GET4: variants seen among roughly 807,000 people sequenced by gnomAD.
The protein encoded by GET4 is Golgi to ER traffic protein 4 homolog.
In GET4, 20 loss-of-function variants were observed where a neutral mutation model predicts 40.0. The ratio of observed to expected loss-of-function variants is 0.50; its 90% confidence interval spans 0.35 to 0.73. The LOEUF (loss-of-function observed/expected upper bound fraction) is 0.73, where lower values mean the gene tolerates loss of function less well. GET4 is among the 30% of genes least tolerant of loss of function. The probability of loss-of-function intolerance (pLI) is 0.01; values close to 1 mark genes in which losing one functional copy is unlikely to be tolerated. For missense variants in GET4, 557 were observed against 454.0 expected (o/e 1.23, Z -2.06); for synonymous variants, 280 against 194.6 (o/e 1.44, Z -3.65).
At chr7:892,572 C>G in intron 6 of GET4, 154 bp downstream of exon 6, 1 of 699,832 alleles carries the variant, frequency 1.4e-6, no homozygotes, top group South Asian at 1.9e-5. Flanking sequence ...TGGGTGTAGA[C>G]GTGGCATAGG....
chr7:887,806 T>C (rs535479492), intron 4 of GET4, among the ~76,000 whole-genome samples: 49 of 152,378 alleles, frequency 3.2e-4, no homozygotes, highest in Non-Finnish European at 5.1e-4. Context: ...CTATGCGTGC[T>C]GCTGCTCCTT....
intron 4 of GET4, among the ~76,000 whole-genome samples, chr7:888,841 C>G (rs1457929779): frequency 6.6e-6 from 1 of 152,252 alleles, no homozygotes; most frequent in Admixed American, 6.5e-5. Context: ...CTGCGTGGGC[C>G]CCACTGCCAG....
At chr7:892,199 A>G (rs1844340263) in intron 5 of GET4, 79 bp from the exon 6 acceptor site, 2 of 1,462,060 alleles carry the variant, frequency 1.4e-6, no homozygotes, top group Admixed American at 1.8e-5. Flanking sequence ...CTTGGGAAGG[A>G]CATGTCGGAG....
chr7:876,928 G>A (rs1344730979), intron 1 of GET4, 128 bp downstream of exon 1: 2 of 353,628 alleles, frequency 5.7e-6, no homozygotes, highest in Admixed American at 1.3e-4. Flanking sequence ...TGGACCCAGG[G>A]GCCGCGGGTC....
chr7:895,454 G>T lies in GET4; in HGVS notation c.*32G>T. ...CAGGCCACGTGGAGACACCACGGTCGACGACGGCTGGAGGGACGTTTCAGA... is the reference window on the plus strand; with the variant it reads ...CAGGCCACGTGGAGACACCACGGTCTACGACGGCTGGAGGGACGTTTCAGA... On this transcript the variant is annotated 3_prime_UTR_variant, in exon 9 of 9. Transcript: ENST00000265857. The T allele has an allele frequency of 2.6e-6, 3 of 1,172,934 alleles. No homozygotes were observed. The highest frequency in any genetic ancestry group is 2.5e-5 in the South Asian group (2 of 79,120). 72.7% of individuals were successfully genotyped at this position (1,172,934 alleles called of 1,614,324 possible). A position where few individuals can be genotyped will look rare whatever the true frequency, so the allele number is the denominator to read the frequency against.
chr7:877,646 C>T (rs1393523436), intron 1 of GET4, among the ~76,000 whole-genome samples: 29 of 138,756 alleles, frequency 2.1e-4, no homozygotes, highest in African/African-American at 7.5e-4. Context: ...ACTCCGCTTC[C>T]TTCCGCCGGG....
chr7:896,214 G>A lies in GET4; in HGVS notation c.*792G>A, dbSNP rs985165055. 8 of 152,192 alleles carry A rather than the reference G, an allele frequency of 5.3e-5. No individual in the cohort carries two copies. Among genetic ancestry groups the A allele is most frequent in the East Asian group, 1.9e-4 (1 of 5,206 alleles). 9.4% of individuals were successfully genotyped at this position (152,192 alleles called of 1,614,324 possible). ...CATTTTGGGTTTTAACCAAATAACC[G>A]GTCCAGGAGTGAGCAGCTCCGTTCT... On this transcript the variant is annotated 3_prime_UTR_variant, in exon 9 of 9. Coordinates refer to ENST00000265857, the MANE Select transcript of GET4 (RefSeq NM_015949.3).
intron 8 of GET4, among the ~76,000 whole-genome samples, chr7:894,450 C>T (rs555942052): frequency 6.6e-6 from 1 of 152,306 alleles, no homozygotes; most frequent in African/African-American, 2.4e-5. Context: ...CGTCACCTGT[C>T]TGGGTTTATT....
intron 4 of GET4, among the ~76,000 whole-genome samples, chr7:888,117 C>T (rs770436408): frequency 2.0e-5 from 3 of 152,172 alleles, no homozygotes; most frequent in Admixed American, 1.3e-4. Flanking sequence ...TCCTTCCTGC[C>T]GTCAGGCGTC....
In GET4 at chr7:886,538, C is replaced by G. The variant is rs752082445; in HGVS notation, c.235-31C>G. ...GTCCTGAACAGGTCAGGGCTTTGTT[C>G]TTGATTCTTGTGTGTTGCTTTCTCT... is the stretch of plus-strand genomic sequence containing the variant. On this transcript the variant is annotated intron_variant, in intron 2 of 8. Transcript: ENST00000265857. 12 of 1,548,786 alleles carry G rather than the reference C, an allele frequency of 7.7e-6. No individual in the cohort carries two copies. In the African/African-American group the frequency reaches 8.1e-5, roughly 11 times the overall value.
chr7:880,735 G>C (rs1279278946), intron 1 of GET4: 2 of 152,268 alleles, frequency 1.3e-5, no homozygotes, highest in African/African-American at 4.8e-5. Flanking sequence ...AGCAGCGGCA[G>C]CTGTCACCTC....
Position 893,920 on chromosome 7 carries a change from C to G in GET4, c.844C>G (p.Leu282Val). The change falls in exon 8 of 9, where the codon CTG becomes GTG. Residue 282 changes from leucine to valine, a missense_variant. Coordinates refer to ENST00000265857, the MANE Select transcript of GET4 (RefSeq NM_015949.3). ...GCAGTACCTCGACCGCATAGGACAGCTGTTCTTCGGCGTCCCGCCCAAGCA... is the reference window on the plus strand; with the variant it reads ...GCAGTACCTCGACCGCATAGGACAGGTGTTCTTCGGCGTCCCGCCCAAGCA... Reference protein sequence around the residue: ...YNEYLDRIGQLFFGVPPKQTS... With the variant: ...YNEYLDRIGQVFFGVPPKQTS... 6.2e-7 allele frequency: 1 copy of G among 1,609,720 alleles called. No homozygotes were observed. The highest frequency in any genetic ancestry group is 8.5e-7 in the Non-Finnish European group (1 of 1,177,258).
At chr7:884,098 C>G (rs942001209) in intron 1 of GET4, 2 of 1,192,392 alleles carry the variant, frequency 1.7e-6, no homozygotes, top group Non-Finnish European at 2.1e-6. Context: ...TTTTTTTCTT[C>G]TGGTTTCTAA....
chr7:893,984 G>C lies in GET4; in HGVS notation c.895+13G>C. On this transcript the variant is annotated intron_variant, in intron 8 of 8. Coordinates refer to ENST00000265857, the MANE Select transcript of GET4 (RefSeq NM_015949.3). The stretch of plus-strand genomic sequence containing the variant: ...GGGGGCCTGCTCGGTAAGCCGGGGC[G>C]CCCTTGTCACACCCACTCCAGCCCT... The C allele has an allele frequency of 6.4e-7, 1 of 1,563,384 alleles. No homozygotes were observed. The highest frequency in any genetic ancestry group is 8.7e-7 in the Non-Finnish European group (1 of 1,151,110).
intron 1 of GET4, chr7:883,825 G>C (rs370714735): frequency 3.0e-6 from 3 of 993,732 alleles, no homozygotes; most frequent in African/African-American, 1.7e-5. Flanking sequence ...AGCCGTCCAC[G>C]TTCAGAGCCG....
chr7:888,010 A>G (rs1844229219), intron 4 of GET4, among the ~76,000 whole-genome samples: 1 of 152,044 alleles, frequency 6.6e-6, no homozygotes, highest in Non-Finnish European at 1.5e-5. Context: ...GTAGATATTC[A>G]TTGAGTGACT....
rs1437075437 is a variant in GET4, at chr7:886,279, A to G, written c.234+145A>G. The G allele has an allele frequency of 1.3e-5, 8 of 638,624 alleles. No homozygotes were observed. The African/African-American group carries it at 1.5e-4, about 12-fold the overall frequency. The allele number at this position is 638,624 out of a possible 1,614,324, so 39.6% of individuals were successfully genotyped here. Reference sequence around the variant, plus strand: ...GGCTGTGGGTGGCAGAGGGGCCCAGAGTCCCCCCTGGCTTGGCTGCTCCAC... The same window carrying G: ...GGCTGTGGGTGGCAGAGGGGCCCAGGGTCCCCCCTGGCTTGGCTGCTCCAC... On this transcript the variant is annotated intron_variant, in intron 2 of 8. Coordinates refer to ENST00000265857, the MANE Select transcript of GET4 (RefSeq NM_015949.3).
chr7:881,098 C>T (rs976686551), intron 1 of GET4: 1 of 152,280 alleles, frequency 6.6e-6, no homozygotes, highest in Non-Finnish European at 1.5e-5. Context: ...CTCCTGACCT[C>T]AGGTGATACG....
At position 883,804 on chromosome 7, in the gene GET4, A is replaced by C. The variant is rs576642258; in HGVS notation, c.156-2252A>C. The C allele has an allele frequency of 8.7e-5, 86 of 991,862 alleles. 1 individual carries two copies. In the South Asian group the frequency reaches 3.1e-3, roughly 36 times the overall value. The allele number at this position is 991,862 out of a possible 1,614,324, so 61.4% of individuals were successfully genotyped here. ...TTCGCAGCTTCCAGAATTCTCCAGTACAGGAGGAGAAGCCGTCCACGTTCA... is the reference window on the plus strand; with the variant it reads ...TTCGCAGCTTCCAGAATTCTCCAGTCCAGGAGGAGAAGCCGTCCACGTTCA... On this transcript the variant is annotated intron_variant, in intron 1 of 8. Coordinates refer to ENST00000265857, the MANE Select transcript of GET4 (RefSeq NM_015949.3).
Sources: gnomAD v4.1 joint callset for allele counts (sites outside exome capture counted in the v4.1 genomes callset) on GRCh38, gnomAD v4.1.1 for gene constraint, MANE v1.5 for transcripts, NCBI Gene and HGNC (gene_info 2026-07-23, HGNC 2026-07-21) for gene names.